Variants in NKAIN3 observed in about 807,000 individuals in gnomAD.
The protein encoded by NKAIN3 is sodium/potassium transporting ATPase interacting 3, also known as sodium/potassium-transporting ATPase subunit beta-1-interacting protein 3.
In NKAIN3, 25 loss-of-function variants were observed where a neutral mutation model predicts 30.2. That is an observed-to-expected ratio of 0.83 (90% confidence interval 0.60 to 1.16). The LOEUF (loss-of-function observed/expected upper bound fraction) is 1.16, where lower values mean the gene tolerates loss of function less well. Among genes scored for constraint, NKAIN3 ranks in the 50% most tolerant of loss-of-function variants. The probability of loss-of-function intolerance (pLI) is 0.00; values close to 1 mark genes in which losing one functional copy is unlikely to be tolerated. For synonymous variants in NKAIN3, 91 were observed against 89.6 expected (o/e 1.02, Z -0.09); for missense variants, 225 against 254.1 (o/e 0.89, Z 0.78).
At chr8:62,440,921 T>G (rs1324268253) in intron 1 of NKAIN3, among the ~76,000 whole-genome samples, 3 of 152,114 alleles carry the variant, frequency 2.0e-5, no homozygotes, top group African/African-American at 7.2e-5. Flanking sequence ...ACTGCCATGG[T>G]TTTTTCAAAT....
intron 3 of NKAIN3, among the ~76,000 whole-genome samples, chr8:62,695,576 C>T (rs1303844364): frequency 6.6e-6 from 1 of 152,022 alleles, no homozygotes; most frequent in Admixed American, 6.6e-5. Context: ...GAGTAATTGA[C>T]AATAAATCCA....
intron 4 of NKAIN3, chr8:62,863,245 T>A (rs1259255691): frequency 6.4e-7 from 1 of 1,568,686 alleles, no homozygotes. Context: ...TTTCAGTTTT[T>A]TCTTTTTGTT....
intron 4 of NKAIN3, among the ~76,000 whole-genome samples, chr8:62,816,023 G>A (rs1818666569): frequency 6.6e-6 from 1 of 152,078 alleles, no homozygotes; most frequent in African/African-American, 2.4e-5. Flanking sequence ...TCCTTTTCAG[G>A]AATTTCATAG....
chr8:62,254,759 G>A (rs2129387392), intron 1 of NKAIN3, among the ~76,000 whole-genome samples: 1 of 152,186 alleles, frequency 6.6e-6, no homozygotes, highest in South Asian at 2.1e-4. Context: ...GATTTCCGTG[G>A]CATGTAAATC....
At chr8:62,330,450 G>A (rs901473015) in intron 1 of NKAIN3, among the ~76,000 whole-genome samples, 2 of 151,962 alleles carry the variant, frequency 1.3e-5, no homozygotes, top group Non-Finnish European at 2.9e-5. Context: ...TTTGAGGCAT[G>A]TTAAGAGGTT....
At chr8:62,578,429 A>G (rs568003346) in intron 1 of NKAIN3, among the ~76,000 whole-genome samples, 45 of 152,244 alleles carry the variant, frequency 3.0e-4, no homozygotes, top group African/African-American at 1.0e-3. Flanking sequence ...AATCCAAGAT[A>G]AATTTTCTTG....
At chr8:62,728,152 A>G (rs1463547619) in intron 3 of NKAIN3, among the ~76,000 whole-genome samples, 1 of 152,192 alleles carries the variant, frequency 6.6e-6, no homozygotes, top group African/African-American at 2.4e-5. Flanking sequence ...CTTCAAAAGA[A>G]ATAACTCAAA....
intron 4 of NKAIN3, chr8:62,863,699 G>T (rs1221726470): frequency 1.4e-6 from 2 of 1,478,134 alleles, no homozygotes; most frequent in Non-Finnish European, 1.9e-6. Flanking sequence ...GGCTGTGTCT[G>T]TATCACGCTG....
At chr8:62,740,772 T>C (rs961359361) in intron 3 of NKAIN3, among the ~76,000 whole-genome samples, 3 of 152,084 alleles carry the variant, frequency 2.0e-5, no homozygotes, top group African/African-American at 7.2e-5. Context: ...CTTTTTTAAT[T>C]GAAATATTTG....
chr8:62,842,636 C>T (rs2130761737), intron 4 of NKAIN3, among the ~76,000 whole-genome samples: 1 of 152,200 alleles, frequency 6.6e-6, no homozygotes, highest in East Asian at 1.9e-4. Flanking sequence ...ATAATTAAAA[C>T]AGCATAATAC....
chr8:62,861,798 A>C (rs1249239468), intron 4 of NKAIN3, among the ~76,000 whole-genome samples: 1 of 152,204 alleles, frequency 6.6e-6, no homozygotes, highest in Non-Finnish European at 1.5e-5. Context: ...TGTCAAGAGG[A>C]GAAGCAAGGA....
chr8:62,747,649 G>A (rs1294411143), intron 4 of NKAIN3, among the ~76,000 whole-genome samples: 2 of 152,204 alleles, frequency 1.3e-5, no homozygotes, highest in Non-Finnish European at 2.9e-5. Context: ...AGGAAATGAT[G>A]TGATTAGTCC....
intron 1 of NKAIN3, among the ~76,000 whole-genome samples, chr8:62,458,283 G>A (rs1414997490): frequency 1.3e-5 from 2 of 152,110 alleles, no homozygotes; most frequent in South Asian, 2.1e-4. Context: ...AAGGAGTAAG[G>A]AAAGCTATAA....
At chr8:62,907,340 G>T (rs1821806455) in intron 4 of NKAIN3, among the ~76,000 whole-genome samples, 1 of 152,128 alleles carries the variant, frequency 6.6e-6, no homozygotes, top group Admixed American at 6.5e-5. Flanking sequence ...TGTTTAAAAG[G>T]GAAGCAGAGC....
At chr8:62,430,714 C>G (rs1804968813) in intron 1 of NKAIN3, among the ~76,000 whole-genome samples, 1 of 151,646 alleles carries the variant, frequency 6.6e-6, no homozygotes, top group African/African-American at 2.4e-5. Flanking sequence ...AATATGAGAA[C>G]AGGGCTATAA....
intron 4 of NKAIN3, among the ~76,000 whole-genome samples, chr8:62,787,197 A>G (rs193164154): frequency 6.6e-6 from 1 of 152,318 alleles, no homozygotes; most frequent in Admixed American, 6.5e-5. Flanking sequence ...CAAGCAATAA[A>G]TATATTTCAT....
At chr8:62,498,097 G>A (rs143374431) in intron 1 of NKAIN3, among the ~76,000 whole-genome samples, 5 of 152,158 alleles carry the variant, frequency 3.3e-5, no homozygotes, top group South Asian at 2.1e-4. Flanking sequence ...GACGGTAATC[G>A]TCAAACCTTT....
chr8:62,366,430 T>G (rs1465756224), intron 1 of NKAIN3, among the ~76,000 whole-genome samples: 1 of 152,172 alleles, frequency 6.6e-6, no homozygotes, highest in Non-Finnish European at 1.5e-5. Flanking sequence ...TTTCACTATG[T>G]TGGCCGAGCT....
intron 4 of NKAIN3, among the ~76,000 whole-genome samples, chr8:62,870,691 C>CTATATCTATATATCTA (rs1820608201): frequency 1.7e-5 from 2 of 116,540 alleles, no homozygotes; most frequent in Non-Finnish European, 3.4e-5. Flanking sequence ...CTATATCTCT[C>CTATATCTATATATCTA]TATCTATATA....
Sources: gnomAD v4.1 joint callset for allele counts (sites outside exome capture counted in the v4.1 genomes callset) on GRCh38, gnomAD v4.1.1 for gene constraint, MANE v1.5 for transcripts, NCBI Gene and HGNC (gene_info 2026-07-23, HGNC 2026-07-21) for gene names.